The following NWD2 variants were observed in gnomAD, a reference collection of about 807,000 sequenced individuals.
NWD2 encodes the protein NACHT and WD repeat domain-containing protein 2.
Under a neutral mutation model 132.7 loss-of-function variants are expected in NWD2, and 37 were observed. That is an observed-to-expected ratio of 0.28 (90% CI 0.21 to 0.37). NWD2 has a LOEUF of 0.37. Ranked by LOEUF, NWD2 falls within the 10% of genes least tolerant of loss-of-function variation. NWD2 has a pLI of 1.00. For synonymous variants in NWD2, 705 were observed against 803.0 expected, an observed-to-expected ratio of 0.88 and a Z score of 2.06; for missense variants, 1,592 against 2,122.4, an observed-to-expected ratio of 0.75 and a Z score of 4.91.
chr4:37,409,504 G>C (rs2376779), intron 3 of NWD2, among the ~76,000 whole-genome samples: 149,169 of 152,182 alleles, frequency 0.98, 73,170 homozygotes, highest in Middle Eastern at 1. Flanking sequence ...AAATATGGGA[G>C]TATGTGGAAA....
At chr4:37,274,969 T>C (rs1444842477) in intron 1 of NWD2, among the ~76,000 whole-genome samples, 7 of 152,080 alleles carry the variant, frequency 4.6e-5, no homozygotes, top group East Asian at 1.9e-4. Flanking sequence ...GCACAGCCAA[T>C]ATCATACTGA....
At chr4:37,368,132 G>A (rs1720137403) in intron 3 of NWD2, among the ~76,000 whole-genome samples, 1 of 152,140 alleles carries the variant, frequency 6.6e-6, no homozygotes, top group Non-Finnish European at 1.5e-5. Flanking sequence ...GAAGGAAGCT[G>A]TGTTGCCGCA....
chr4:37,351,978 T>A (rs1325998554), intron 2 of NWD2, among the ~76,000 whole-genome samples: 2 of 152,212 alleles, frequency 1.3e-5, no homozygotes, highest in Non-Finnish European at 2.9e-5. Context: ...TTCCATATAG[T>A]TGTGCGGTTT....
chr4:37,398,966 A>G (rs1443050403), intron 3 of NWD2, among the ~76,000 whole-genome samples: 1 of 152,228 alleles, frequency 6.6e-6, no homozygotes, highest in African/African-American at 2.4e-5. Flanking sequence ...GGCTGCCATG[A>G]CAAAAAGTGG....
chr4:37,434,459 A>G (rs995830471), intron 5 of NWD2, among the ~76,000 whole-genome samples: 1 of 152,224 alleles, frequency 6.6e-6, no homozygotes, highest in Non-Finnish European at 1.5e-5. Flanking sequence ...CATAAAATAT[A>G]TATTCATAAA....
chr4:37,246,437 G>T (rs1482952291), intron 1 of NWD2, among the ~76,000 whole-genome samples: 1 of 152,188 alleles, frequency 6.6e-6, no homozygotes, highest in Non-Finnish European at 1.5e-5. Context: ...TTAGAAAGAC[G>T]ATATACTCTT....
intron 1 of NWD2, among the ~76,000 whole-genome samples, chr4:37,261,820 A>G (rs965486726): frequency 6.6e-6 from 1 of 152,210 alleles, no homozygotes; most frequent in Admixed American, 6.5e-5. Context: ...TCTGTCTCCC[A>G]GTTAACGGGT....
At chr4:37,291,719 TG>T (rs1188427477) in intron 1 of NWD2, among the ~76,000 whole-genome samples, 1 of 152,172 alleles carries the variant, frequency 6.6e-6, no homozygotes, top group East Asian at 1.9e-4. Flanking sequence ...CTAAAATTTT[TG>T]TTTTGCTATA....
chr4:37,277,006 G>T (rs1418843764), intron 1 of NWD2, among the ~76,000 whole-genome samples: 2 of 151,964 alleles, frequency 1.3e-5, no homozygotes, highest in African/African-American at 4.8e-5. Context: ...ATGGGGGAGG[G>T]ATAGTATTAG....
At chr4:37,354,536 C>T (rs1048264947) in intron 2 of NWD2, among the ~76,000 whole-genome samples, 7 of 152,198 alleles carry the variant, frequency 4.6e-5, no homozygotes, top group Admixed American at 6.5e-5. Context: ...TTCAGAGATG[C>T]CCTGCCCAGA....
chr4:37,439,199 C>A lies in NWD2; in HGVS notation c.1105C>A (p.Leu369Ile). ...QQNFDTETDT[L>I]YDEILQHSSL... is the part of the protein sequence containing the mutation. Reference sequence around the variant, plus strand: ...GAATTTTGACACTGAAACTGATACACTCTATGATGAAATCCTTCAACATTC... The same window carrying A: ...GAATTTTGACACTGAAACTGATACAATCTATGATGAAATCCTTCAACATTC... Residue 369 changes from leucine to isoleucine, a missense_variant, in exon 6 of 7, where the codon CTC (leucine) becomes ATC (isoleucine). Physicochemically the swap from Leu to Ile is conservative, Grantham distance 5. Coordinates refer to ENST00000309447, the MANE Select transcript of NWD2 (RefSeq NM_001144990.2). The surrounding 1 kb of genome is among the most constrained non-coding windows in gnomAD (Gnocchi z 4.5). 1 of 1,550,556 alleles carries A rather than the reference C, an allele frequency of 6.4e-7. No homozygotes were observed.
rs1418543182 is a variant in NWD2 at position 37,445,682 on chromosome 4, G to A, written c.3694G>A (p.Glu1232Lys). The A allele has an allele frequency of 1.8e-5, 28 of 1,551,908 alleles. No homozygotes were observed. The highest frequency in any genetic ancestry group is 4.8e-5 in the South Asian group (4 of 84,056). Residue 1232 changes from glutamate (E) to lysine (K), a missense_variant, in exon 7 of 7, where the codon GAA becomes AAA. By Grantham distance (56) the Glu-to-Lys change is moderately conservative (BLOSUM62 1). Coordinates refer to ENST00000309447, the MANE Select transcript of NWD2 (RefSeq NM_001144990.2). This position sits in a 1 kb window ranked among gnomAD's most constrained non-coding sequence, Gnocchi z 4.7. ...VAEKFRAKHN[E>K]RFISAVLSKN... ...TGAAAAGTTCAGAGCCAAGCACAACGAACGCTTTATATCTGCCGTGCTGTC... is the reference window on the plus strand; with the variant it reads ...TGAAAAGTTCAGAGCCAAGCACAACAAACGCTTTATATCTGCCGTGCTGTC...
chr4:37,426,276 T>C (rs1035763193), intron 3 of NWD2, among the ~76,000 whole-genome samples: 51 of 152,280 alleles, frequency 3.3e-4, no homozygotes, highest in South Asian at 4.1e-4. Context: ...GATTCATGAT[T>C]TATGAGCATT....
chr4:37,388,643 AAT>A (rs770655287), intron 3 of NWD2, among the ~76,000 whole-genome samples: 27 of 111,422 alleles, frequency 2.4e-4, no homozygotes, highest in African/African-American at 9.4e-4. Flanking sequence ...ATCATATATA[AAT>A]ATATATATCA....
At chr4:37,313,459 G>A (rs1242891608) in intron 1 of NWD2, among the ~76,000 whole-genome samples, 1 of 150,992 alleles carries the variant, frequency 6.6e-6, no homozygotes, top group African/African-American at 2.5e-5. Flanking sequence ...GTATTTCTGT[G>A]GGATCGGTGG....
At chr4:37,361,883 GTCTC>G (rs1719988764) in intron 3 of NWD2, among the ~76,000 whole-genome samples, 1 of 152,142 alleles carries the variant, frequency 6.6e-6, no homozygotes, top group South Asian at 2.1e-4. Flanking sequence ...AAGTGAAACT[GTCTC>G]TCTCCATGTA....
chr4:37,293,238 G>T (rs895432561), intron 1 of NWD2, among the ~76,000 whole-genome samples: 1 of 152,022 alleles, frequency 6.6e-6, no homozygotes, highest in Non-Finnish European at 1.5e-5. Flanking sequence ...CATTAAAAAA[G>T]ACTTAACTTT....
intron 3 of NWD2, among the ~76,000 whole-genome samples, chr4:37,385,325 C>T (rs1447913460): frequency 6.6e-6 from 1 of 152,074 alleles, no homozygotes; most frequent in Admixed American, 6.5e-5. Flanking sequence ...GGACAGGTGA[C>T]AACTTAAAAA....
At chr4:37,422,246 C>T (rs1711837582) in intron 3 of NWD2, among the ~76,000 whole-genome samples, 2 of 152,198 alleles carry the variant, frequency 1.3e-5, no homozygotes, top group South Asian at 4.1e-4. Flanking sequence ...AGCTTCATTT[C>T]TGAAACTTCT....
Sources: gnomAD v4.1 joint callset for allele counts (sites outside exome capture counted in the v4.1 genomes callset) on GRCh38, gnomAD v4.1.1 for gene constraint, Gnocchi (gnomAD v3.1) non-coding constraint, MANE v1.5 for transcripts, NCBI Gene and HGNC (gene_info 2026-07-23, HGNC 2026-07-21) for gene names.